Variants in DTD2 observed in about 807,000 individuals in gnomAD.
DTD2 encodes the protein D-aminoacyl-tRNA deacylase 2, also known as D-tyrosyl-tRNA deacylase 2 (putative).
DTD2 carries 12 observed loss-of-function variants against 15.5 expected under a neutral mutation model. The observed-to-expected ratio is 0.77, with a 90% CI of 0.50 to 1.25. The LOEUF (loss-of-function observed/expected upper bound fraction) is 1.25, where lower values mean the gene tolerates loss of function less well. Ranked by LOEUF, DTD2 falls within the 50% of genes most tolerant of loss-of-function variation. The pLI, the probability that DTD2 is intolerant of heterozygous loss-of-function variation, is 0.00. For missense variants in DTD2, 170 were observed against 201.1 expected (o/e 0.85, Z 0.93); for synonymous variants, 59 against 77.3 (o/e 0.76, Z 1.24).
At chr14:31,456,090 G>C (rs1216293798) in intron 1 of DTD2, among the ~76,000 whole-genome samples, 1 of 152,044 alleles carries the variant, frequency 6.6e-6, no homozygotes, top group African/African-American at 2.4e-5. Context: ...TATAGTTCAC[G>C]GGTACTATTT....
intron 2 of DTD2, 86 bp downstream of exon 2, chr14:31,453,189 T>A: frequency 1.5e-6 from 2 of 1,307,774 alleles, no homozygotes; most frequent in South Asian, 2.5e-5. Flanking sequence ...TCCACTTGCC[T>A]TGGCCTCCCA....
At chr14:31,456,393 AAAATAAAATATAAAT>A (rs755104675) in intron 1 of DTD2, among the ~76,000 whole-genome samples, 4 of 151,978 alleles carry the variant, frequency 2.6e-5, no homozygotes, top group East Asian at 1.9e-4. Context: ...CTCAAAAAAT[AAAATAAAATATAAAT>A]AAATAAAATA....
At chr14:31,456,408 T>A (rs1293866552) in intron 1 of DTD2, among the ~76,000 whole-genome samples, 1 of 151,334 alleles carries the variant, frequency 6.6e-6, no homozygotes, top group Admixed American at 6.6e-5. Flanking sequence ...AAAATATAAA[T>A]AAATAAAATA....
intron 1 of DTD2, among the ~76,000 whole-genome samples, chr14:31,454,979 G>C (rs982404752): frequency 6.6e-6 from 1 of 152,216 alleles, no homozygotes; most frequent in Non-Finnish European, 1.5e-5. Context: ...GAACAGGGTA[G>C]AGAATATGTA....
rs551899697 is a variant in DTD2, at chr14:31,448,296, C to A, written c.340G>T (p.Glu114Ter). ...AATTGAGAGTAAAGTTCAAACCCTT[C>A]TTCTTTTCCAGAGTTAGAGTGATAT... ...MQYHSNSGKE[E>*]GFELYSQFVT... The change falls in exon 3 of 3, where the codon GAA (glutamate) becomes TAA (stop). Residue 114 changes from glutamate (E) to a stop codon, truncating the protein, a stop_gained. Transcript: ENST00000310850. LOFTEE classifies it high-confidence loss of function. 6.2e-7 allele frequency: 1 copy of A among 1,614,144 alleles called. No homozygotes were observed. The highest frequency in any genetic ancestry group is 1.3e-5 in the African/African-American group (1 of 75,034).
At position 31,446,536 on chromosome 14, in the gene DTD2, A is replaced by G. The variant is rs2031960615; in HGVS notation, c.*1593T>C. 1 of 152,208 alleles carries G rather than the reference A, an allele frequency of 6.6e-6. No individual in the cohort carries two copies. Among genetic ancestry groups the G allele is most frequent in the Non-Finnish European group, 1.5e-5 (1 of 68,046 alleles). 9.4% of individuals were successfully genotyped at this position (152,208 alleles called of 1,614,324 possible). A position where few individuals can be genotyped will look rare whatever the true frequency, so the allele number is the denominator to read the frequency against. ...TACCATAGGACTGGGTGGTTTAAAC[A>G]CCAGAAATTTATTTCCTCACAGTTC... On this transcript the variant is annotated 3_prime_UTR_variant, in exon 3 of 3. Transcript: ENST00000310850.
In DTD2 at chr14:31,446,487, G is replaced by A. The variant is rs980434711; in HGVS notation, c.*1642C>T. The A allele has an allele frequency of 1.3e-5, 2 of 151,952 alleles. No individual in the cohort carries two copies. Among genetic ancestry groups the A allele is most frequent in the Non-Finnish European group, 2.9e-5 (2 of 67,992 alleles). The allele number at this position is 151,952 out of a possible 1,614,324, so 9.4% of individuals were successfully genotyped here. A position where few individuals can be genotyped will look rare whatever the true frequency, so the allele number is the denominator to read the frequency against. On this transcript the variant is annotated 3_prime_UTR_variant, in exon 3 of 3. Coordinates refer to ENST00000310850, the MANE Select transcript of DTD2 (RefSeq NM_080664.3). The stretch of plus-strand genomic sequence containing the variant: ...TAGCTGTCTATCTTATATCACTGTC[G>A]TAGCTCAGACTGCCCTAACAAAATA...
Position 31,446,102 on chromosome 14 carries a change from A to C in DTD2, c.*2027T>G, listed in dbSNP as rs1368842354. 6.6e-6 allele frequency: 1 copy of C among 152,256 alleles called. No homozygotes were observed. Among genetic ancestry groups the C allele is most frequent in the East Asian group, 1.9e-4 (1 of 5,204 alleles). The allele number at this position is 152,256 out of a possible 1,614,324, so 9.4% of individuals were successfully genotyped here. On this transcript the variant is annotated 3_prime_UTR_variant, in exon 3 of 3. Coordinates refer to ENST00000310850, the MANE Select transcript of DTD2 (RefSeq NM_080664.3). ...ATTGTGAATCAATAAAGCAAAAGTT[A>C]AGGACAATGAGCTCATTACCAAGCC...
In DTD2 at chr14:31,457,455, A is replaced by T; in HGVS notation, c.-62T>A. On this transcript the variant is annotated 5_prime_UTR_variant, in exon 1 of 3. Transcript: ENST00000310850. ...CCATGTGTCGCTGGCCCCTCCCTCG[A>T]CGCGCTGGCGGGGCAGACGAGGCGG... The T allele has an allele frequency of 7.9e-7, 1 of 1,273,836 alleles. No individual in the cohort carries two copies. Among genetic ancestry groups the T allele is most frequent in the Non-Finnish European group, 1.0e-6 (1 of 959,742 alleles). 78.9% of individuals were successfully genotyped at this position (1,273,836 alleles called of 1,614,324 possible).
Position 31,446,446 on chromosome 14 carries a change from G to A in DTD2, c.*1683C>T, listed in dbSNP as rs2031959684. On this transcript the variant is annotated 3_prime_UTR_variant, in exon 3 of 3. Transcript: ENST00000310850. The stretch of plus-strand genomic sequence containing the variant: ...TTGTATATCTTCCTCTCTTGCCTTT[G>A]AAAAGTTTACCTTACTAGCTGTCTA... The A allele has an allele frequency of 6.6e-6, 1 of 152,022 alleles. No homozygotes were observed. The highest frequency in any genetic ancestry group is 2.4e-5 in the African/African-American group (1 of 41,378). The allele number at this position is 152,022 out of a possible 1,614,324, so 9.4% of individuals were successfully genotyped here.
intron 1 of DTD2, among the ~76,000 whole-genome samples, chr14:31,454,083 A>C (rs995054172): frequency 1.3e-5 from 2 of 152,202 alleles, no homozygotes; most frequent in Non-Finnish European, 2.9e-5. Context: ...CTTCTGAGTG[A>C]ATCATTAGAT....
chr14:31,448,134 A>T lies in DTD2; in HGVS notation c.502T>A (p.Phe168Ile), dbSNP rs145706913. ...TAGAAACTAGTTTTTCATTTTCAAA[A>T]CTCAATTAAGTGTGTGAATGGTCCG... ...TNGPFTHLIE[F>I] The change falls in exon 3 of 3, where the codon TTT (phenylalanine) becomes ATT (isoleucine). Residue 168 changes from phenylalanine (F) to isoleucine (I), a missense_variant. Phe to Ile is a conservative substitution (Grantham distance 21, BLOSUM62 0). Coordinates refer to ENST00000310850, the MANE Select transcript of DTD2 (RefSeq NM_080664.3). 7.9e-5 allele frequency: 125 copies of T among 1,588,156 alleles called. No individual in the cohort carries two copies. The Middle Eastern group carries it at 1.9e-3, about 24-fold the overall frequency.
Position 31,457,327 on chromosome 14 carries a change from G to C in DTD2, c.67C>G (p.Gln23Glu), listed in dbSNP as rs761515859. 1.9e-6 allele frequency: 3 copies of C among 1,595,290 alleles called. No homozygotes were observed. Among genetic ancestry groups the C allele is most frequent in the African/African-American group, 1.3e-5 (1 of 74,562 alleles). Residue 23 changes from glutamine (Q) to glutamate (E), a missense_variant, in exon 1 of 3, where the codon CAA becomes GAA. By Grantham distance (29) the Gln-to-Glu change is conservative. Coordinates refer to ENST00000310850, the MANE Select transcript of DTD2 (RefSeq NM_080664.3). ...LLQQCLHARL[Q>E]IRPADGDVAA... ...ACGTCCCCATCGGCTGGGCGAATTT[G>C]CAGCCGGGCGTGCAGGCACTGCTGT...
rs1028093071 is a variant in DTD2, at chr14:31,447,539, G to A, written c.*590C>T. 1.3e-5 allele frequency: 2 copies of A among 151,824 alleles called. No homozygotes were observed. The allele number at this position is 151,824 out of a possible 1,614,324, so 9.4% of individuals were successfully genotyped here. A position where few individuals can be genotyped will look rare whatever the true frequency, so the allele number is the denominator to read the frequency against. On this transcript the variant is annotated 3_prime_UTR_variant, in exon 3 of 3. Transcript: ENST00000310850. ...CATAATTTTTAAAAAACAACTAAGA[G>A]GCCGGGCACGGTGGCTCATGCCTGT...
chr14:31,452,776 C>G (rs559513021), intron 2 of DTD2: 1 of 152,136 alleles, frequency 6.6e-6, no homozygotes, highest in Non-Finnish European at 1.5e-5. Flanking sequence ...TAATGCATAT[C>G]TGGTTTGATT....
chr14:31,447,307 A>G lies in DTD2; in HGVS notation c.*822T>C, dbSNP rs1173464493. 1.3e-5 allele frequency: 2 copies of G among 152,128 alleles called. No individual in the cohort carries two copies. Among genetic ancestry groups the G allele is most frequent in the Non-Finnish European group, 1.5e-5 (1 of 68,030 alleles). The allele number at this position is 152,128 out of a possible 1,614,324, so 9.4% of individuals were successfully genotyped here. On this transcript the variant is annotated 3_prime_UTR_variant, in exon 3 of 3. Coordinates refer to ENST00000310850, the MANE Select transcript of DTD2 (RefSeq NM_080664.3). ...CCTATATTACATTTTCATGCATATTATTAAAAGAAATGGTGACTTACATAT... is the reference window on the plus strand; with the variant it reads ...CCTATATTACATTTTCATGCATATTGTTAAAAGAAATGGTGACTTACATAT...
intron 2 of DTD2, among the ~76,000 whole-genome samples, chr14:31,453,073 G>A (rs1021738916): frequency 2.6e-5 from 4 of 151,708 alleles, no homozygotes; most frequent in African/African-American, 9.7e-5. Context: ...AAGTAGCTAG[G>A]ACCATAGGCA....
At chr14:31,451,227 A>G (rs916054894) in intron 2 of DTD2, among the ~76,000 whole-genome samples, 2 of 148,386 alleles carry the variant, frequency 1.3e-5, no homozygotes, top group Admixed American at 6.8e-5. Context: ...GGCTCACTGC[A>G]AACTCCACCT....
chr14:31,451,238 C>T (rs1215495130), intron 2 of DTD2, among the ~76,000 whole-genome samples: 1 of 151,100 alleles, frequency 6.6e-6, no homozygotes, highest in Non-Finnish European at 1.5e-5. Context: ...AACTCCACCT[C>T]CTGGGCTCAT....
Sources: gnomAD v4.1 joint callset for allele counts (sites outside exome capture counted in the v4.1 genomes callset) on GRCh38, gnomAD v4.1.1 for gene constraint, MANE v1.5 for transcripts, NCBI Gene and HGNC (gene_info 2026-07-23, HGNC 2026-07-21) for gene names.